Variants in PDE3A observed in about 807,000 individuals in gnomAD.
PDE3A encodes the protein phosphodiesterase 3A.
PDE3A carries 43 observed loss-of-function variants against 98.3 expected under a neutral mutation model. The ratio of observed to expected loss-of-function variants is 0.44; its 90% CI spans 0.34 to 0.56. The LOEUF is 0.56. Ranked by LOEUF, PDE3A falls within the 20% of genes least tolerant of loss-of-function variation. The pLI, the probability that PDE3A is intolerant of heterozygous loss-of-function variation, is 0.01. For missense variants in PDE3A, 1,427 were observed against 1,440.7 expected (o/e 0.99, Z 0.15); for synonymous variants, 663 against 567.9 (o/e 1.17, Z -2.38).
At chr12:20,497,560 A>G (rs1413681507) in intron 1 of PDE3A, among the ~76,000 whole-genome samples, 1 of 151,778 alleles carries the variant, frequency 6.6e-6, no homozygotes. Flanking sequence ...GAGAAAACAT[A>G]ATAATTCTAA....
chr12:20,587,335 C>T (rs1054273402), intron 2 of PDE3A, among the ~76,000 whole-genome samples: 1 of 152,068 alleles, frequency 6.6e-6, no homozygotes, highest in Admixed American at 6.5e-5. Flanking sequence ...CACCACTGCA[C>T]TCCAGCCTGG....
At chr12:20,559,887 ATG>A (rs964489076) in intron 2 of PDE3A, among the ~76,000 whole-genome samples, 2 of 152,140 alleles carry the variant, frequency 1.3e-5, no homozygotes, top group Non-Finnish European at 2.9e-5. Context: ...CTTTGAATAT[ATG>A]TGAATTTTTT....
At chr12:20,590,250 C>T (rs1004836320) in intron 2 of PDE3A, among the ~76,000 whole-genome samples, 1 of 151,710 alleles carries the variant, frequency 6.6e-6, no homozygotes, top group African/African-American at 2.4e-5. Flanking sequence ...GATTCGGCTT[C>T]AGGGTTTGGG....
chr12:20,507,383 A>G (rs35466062), intron 1 of PDE3A, among the ~76,000 whole-genome samples: 42,456 of 151,930 alleles, frequency 0.28, 6,931 homozygotes, highest in East Asian at 0.55. Flanking sequence ...GTAAATGACA[A>G]GGTATTTGAA....
chr12:20,473,824 T>C (rs1490846064), intron 1 of PDE3A, among the ~76,000 whole-genome samples: 1 of 152,178 alleles, frequency 6.6e-6, no homozygotes, highest in Non-Finnish European at 1.5e-5. Context: ...AGTTCATTCA[T>C]TTTCCCACTA....
chr12:20,462,493 C>T (rs527803372), intron 1 of PDE3A, among the ~76,000 whole-genome samples: 1 of 152,196 alleles, frequency 6.6e-6, no homozygotes, highest in African/African-American at 2.4e-5. Context: ...TCATCTAAAA[C>T]AACAACAACA....
intron 1 of PDE3A, among the ~76,000 whole-genome samples, chr12:20,373,923 T>G (rs1268858702): frequency 6.6e-6 from 1 of 152,140 alleles, no homozygotes; most frequent in Non-Finnish European, 1.5e-5. Context: ...AAAACTTGCT[T>G]ATTTCTTCTC....
chr12:20,435,811 G>A (rs554308277), intron 1 of PDE3A, among the ~76,000 whole-genome samples: 136 of 152,292 alleles, frequency 8.9e-4, no homozygotes, highest in African/African-American at 3.1e-3. Context: ...CGCAAGTGTG[G>A]ACTAACCGTT....
chr12:20,501,480 A>G (rs1946025008), intron 1 of PDE3A, among the ~76,000 whole-genome samples: 1 of 152,202 alleles, frequency 6.6e-6, no homozygotes, highest in Admixed American at 6.6e-5. Context: ...CTCTAAATAG[A>G]AATAAAATTA....
chr12:20,688,409 C>T lies in PDE3A; in HGVS notation c.*8138C>T, dbSNP rs1179002366. 6.6e-6 allele frequency among the ~76,000 whole-genome samples: 1 copy of T among 151,610 alleles called. No individual in the cohort carries two copies. The highest frequency in any genetic ancestry group is 1.9e-4 in the East Asian group (1 of 5,174). Reference sequence around the variant, plus strand: ...TTTTTATTATTTTTTAGCTTAGATACTATGTTGATGCTCCCTTTTTGCCAG... The same window carrying T: ...TTTTTATTATTTTTTAGCTTAGATATTATGTTGATGCTCCCTTTTTGCCAG... On this transcript the variant is annotated 3_prime_UTR_variant, in exon 16 of 16. Transcript: ENST00000359062.
intron 1 of PDE3A, among the ~76,000 whole-genome samples, chr12:20,422,948 G>A (rs901682588): frequency 2.0e-5 from 3 of 152,096 alleles, no homozygotes; most frequent in African/African-American, 7.2e-5. Flanking sequence ...GTTATATTAT[G>A]TTACAGTAAT....
At chr12:20,565,228 C>A (rs1055582724) in intron 2 of PDE3A, among the ~76,000 whole-genome samples, 1 of 151,950 alleles carries the variant, frequency 6.6e-6, no homozygotes, top group Non-Finnish European at 1.5e-5. Flanking sequence ...CAAGTTTTGC[C>A]TTCCACTTGA....
At chr12:20,512,129 C>T (rs1468428187) in intron 1 of PDE3A, among the ~76,000 whole-genome samples, 1 of 151,580 alleles carries the variant, frequency 6.6e-6, no homozygotes, top group East Asian at 1.9e-4. Flanking sequence ...AAATAAAAGA[C>T]AATAGATAAA....
intron 7 of PDE3A, among the ~76,000 whole-genome samples, chr12:20,634,674 G>A (rs1028393240): frequency 4.6e-5 from 7 of 152,102 alleles, no homozygotes; most frequent in African/African-American, 1.7e-4. Context: ...ATATTATTGA[G>A]GGGTTATTGA....
At chr12:20,377,065 G>A (rs1943585428) in intron 1 of PDE3A, among the ~76,000 whole-genome samples, 1 of 151,796 alleles carries the variant, frequency 6.6e-6, no homozygotes, top group Non-Finnish European at 1.5e-5. Flanking sequence ...TTGCTGAAGT[G>A]TGTGTATGTG....
intron 2 of PDE3A, among the ~76,000 whole-genome samples, chr12:20,586,978 G>A (rs1943213115): frequency 6.6e-6 from 1 of 152,110 alleles, no homozygotes; most frequent in African/African-American, 2.4e-5. Context: ...ACTCTTTGCT[G>A]TTAATGGTAT....
At chr12:20,668,105 C>T (rs1017684267) in intron 15 of PDE3A, among the ~76,000 whole-genome samples, 7 of 152,332 alleles carry the variant, frequency 4.6e-5, no homozygotes, top group Non-Finnish European at 8.8e-5. Context: ...CCTGGAAAAT[C>T]AGGTCACTCC....
In PDE3A at chr12:20,369,848, C is replaced by G; in HGVS notation, c.564C>G (p.Leu188=). The G allele has an allele frequency of 6.2e-7, 1 of 1,612,050 alleles. No individual in the cohort carries two copies. Among genetic ancestry groups the G allele is most frequent in the Non-Finnish European group, 8.5e-7 (1 of 1,179,384 alleles). Residue 188 remains leucine, a synonymous_variant, in exon 1 of 16, where the codon CTC becomes CTG. Transcript: ENST00000359062. The stretch of plus-strand genomic sequence containing the variant: ...TCGGGGAGGATCACTTACTCTCACT[C>G]CCCGCCGCGGGGGTGGTGCTCAGCT... ...LGVGEDHLLS[L]PAAGVVLSCL...
At chr12:20,461,348 T>G (rs2120927336) in intron 1 of PDE3A, among the ~76,000 whole-genome samples, 1 of 152,172 alleles carries the variant, frequency 6.6e-6, no homozygotes, top group South Asian at 2.1e-4. Context: ...ATTACTGAGT[T>G]TCCATTTAAG....
Sources: allele counts gnomAD v4.1 joint callset (sites outside exome capture counted in the v4.1 genomes callset), GRCh38; gene constraint gnomAD v4.1.1; transcripts MANE v1.5; gene names NCBI Gene and HGNC (gene_info 2026-07-23, HGNC 2026-07-21).